The following MRPS28 variants were observed in gnomAD, a reference collection of about 807,000 sequenced individuals.
MRPS28 encodes the protein mitochondrial ribosomal protein S28.
In MRPS28, 7 loss-of-function variants were observed where a neutral mutation model predicts 10.8. That is an observed-to-expected ratio of 0.65 (90% CI 0.37 to 1.22). MRPS28 has a LOEUF of 1.22. Ranked by LOEUF, MRPS28 falls within the 50% of genes most tolerant of loss-of-function variation. MRPS28 has a pLI of 0.02. For synonymous variants in MRPS28, 121 were observed against 93.3 expected (o/e 1.30, Z -1.71); for missense variants, 265 against 232.9 (o/e 1.14, Z -0.90).
At chr8:79,981,285 A>G (rs138097838) in intron 2 of MRPS28, among the ~76,000 whole-genome samples, 23 of 152,292 alleles carry the variant, frequency 1.5e-4, no homozygotes, top group African/African-American at 4.3e-4. Flanking sequence ...AGCTGTGATC[A>G]CTGCACTCCA....
chr8:80,026,194 A>T (rs370487958), intron 1 of MRPS28, among the ~76,000 whole-genome samples: 4 of 152,358 alleles, frequency 2.6e-5, no homozygotes, highest in East Asian at 1.9e-4. Flanking sequence ...AAATAGGTCC[A>T]GTAAGTTCAA....
chr8:80,029,926 C>A, intron 1 of MRPS28, 110 bp downstream of exon 1: 3 of 1,536,664 alleles, frequency 2.0e-6, no homozygotes, highest in Non-Finnish European at 2.6e-6. Context: ...AAAACTGGGC[C>A]CCGGACCTCA....
At chr8:79,979,568 G>A (rs923400623) in intron 2 of MRPS28, among the ~76,000 whole-genome samples, 25 of 151,880 alleles carry the variant, frequency 1.6e-4, no homozygotes, top group African/African-American at 6.1e-4. Context: ...CTGTCACCCA[G>A]GCTGAAGTGC....
chr8:79,995,327 C>A (rs1054025897), intron 2 of MRPS28, among the ~76,000 whole-genome samples: 10 of 152,212 alleles, frequency 6.6e-5, no homozygotes, highest in Non-Finnish European at 1.5e-4. Flanking sequence ...CAGTGCATTA[C>A]AAGGCATCCA....
At chr8:80,003,580 G>A (rs577570175) in intron 1 of MRPS28, among the ~76,000 whole-genome samples, 1 of 152,320 alleles carries the variant, frequency 6.6e-6, no homozygotes, top group East Asian at 1.9e-4. Flanking sequence ...TGACCCAGAA[G>A]ACAGGTGATT....
chr8:79,996,891 T>TA (rs1276021421), intron 2 of MRPS28, among the ~76,000 whole-genome samples: 2 of 152,234 alleles, frequency 1.3e-5, no homozygotes, highest in Non-Finnish European at 2.9e-5. Context: ...AAAATTTGGA[T>TA]ATACACAGCC....
At chr8:80,000,761 A>G (rs527459583) in intron 2 of MRPS28, among the ~76,000 whole-genome samples, 19 of 152,276 alleles carry the variant, frequency 1.2e-4, no homozygotes, top group African/African-American at 4.1e-4. Flanking sequence ...ATGGTGGTAC[A>G]TGTCTGTAAG....
chr8:79,955,388 G>A (rs1479848725), intron 2 of MRPS28, among the ~76,000 whole-genome samples: 1 of 152,118 alleles, frequency 6.6e-6, no homozygotes, highest in African/African-American at 2.4e-5. Context: ...CTTCTGCGTG[G>A]ATATCTCCTT....
intron 1 of MRPS28, among the ~76,000 whole-genome samples, chr8:80,009,603 C>A (rs1312638819): frequency 6.6e-6 from 1 of 151,382 alleles, no homozygotes; most frequent in Non-Finnish European, 1.5e-5. Context: ...GCAACAAGAG[C>A]CAAACTGTCT....
intron 2 of MRPS28, among the ~76,000 whole-genome samples, chr8:79,922,665 C>G (rs1285455131): frequency 6.6e-6 from 1 of 151,980 alleles, no homozygotes; most frequent in Admixed American, 6.6e-5. Context: ...TCAATTTAGT[C>G]AATAAAATAT....
At chr8:79,975,253 T>C (rs1192111883) in intron 2 of MRPS28, among the ~76,000 whole-genome samples, 1 of 152,078 alleles carries the variant, frequency 6.6e-6, no homozygotes, top group Admixed American at 6.6e-5. Flanking sequence ...GCTGTGGTCA[T>C]GCTACTGCAC....
chr8:79,939,927 G>A (rs368831956), intron 2 of MRPS28, among the ~76,000 whole-genome samples: 135 of 150,574 alleles, frequency 9.0e-4, no homozygotes, highest in African/African-American at 3.1e-3. Context: ...CGGAGATCAC[G>A]CCACTGCACT....
At chr8:80,009,853 A>T (rs990075114) in intron 1 of MRPS28, among the ~76,000 whole-genome samples, 4 of 152,324 alleles carry the variant, frequency 2.6e-5, no homozygotes, top group Admixed American at 2.0e-4. Flanking sequence ...CTGTAAAAAA[A>T]TGCCTTCTAA....
At chr8:79,963,748 C>T (rs1402624260) in intron 2 of MRPS28, among the ~76,000 whole-genome samples, 2 of 152,016 alleles carry the variant, frequency 1.3e-5, no homozygotes, top group Non-Finnish European at 2.9e-5. Context: ...ACAGTGTATA[C>T]AGCTTTTGTC....
intron 1 of MRPS28, among the ~76,000 whole-genome samples, chr8:80,011,194 G>A (rs138787165): frequency 6.7e-6 from 1 of 150,174 alleles, no homozygotes; most frequent in Non-Finnish European, 1.5e-5. Flanking sequence ...CCTTTGCTGG[G>A]AGCCATTATT....
intron 2 of MRPS28, among the ~76,000 whole-genome samples, chr8:79,953,493 T>C (rs1055223858): frequency 1.3e-5 from 2 of 152,334 alleles, no homozygotes; most frequent in South Asian, 2.1e-4. Flanking sequence ...TAAATTGTTC[T>C]AGGCTAACTG....
At chr8:80,002,138 C>T (rs1808674823) in intron 2 of MRPS28, among the ~76,000 whole-genome samples, 1 of 152,052 alleles carries the variant, frequency 6.6e-6, no homozygotes, top group African/African-American at 2.4e-5. Flanking sequence ...AGAGAGGCAA[C>T]TCGTTCTCAT....
chr8:79,939,468 A>G (rs78559713), intron 2 of MRPS28, among the ~76,000 whole-genome samples: 1 of 152,224 alleles, frequency 6.6e-6, no homozygotes, highest in Non-Finnish European at 1.5e-5. Context: ...TTAAAAAAAA[A>G]TCGGCCTGGT....
intron 1 of MRPS28, among the ~76,000 whole-genome samples, chr8:80,004,591 A>C (rs1184949688): frequency 1.3e-5 from 2 of 152,244 alleles, no homozygotes; most frequent in Admixed American, 6.5e-5. Context: ...CTCCCCCTCC[A>C]AAGGAATGCA....
Sources: gnomAD v4.1 joint callset for allele counts (sites outside exome capture counted in the v4.1 genomes callset) on GRCh38, gnomAD v4.1.1 for gene constraint, MANE v1.5 for transcripts, NCBI Gene and HGNC (gene_info 2026-07-23, HGNC 2026-07-21) for gene names.